Variants in PPP1R12A observed in about 807,000 individuals in gnomAD.
PPP1R12A encodes protein phosphatase 1 regulatory subunit 12A, also known as myosin binding subunit.
A neutral mutation model predicts 139.6 loss-of-function variants in PPP1R12A; 19 were observed. The observed-to-expected ratio is 0.14, with a 90% CI of 0.09 to 0.20. PPP1R12A has a LOEUF of 0.20. PPP1R12A is among the 10% of genes least tolerant of loss of function. The pLI, the probability that PPP1R12A is intolerant of heterozygous loss-of-function variation, is 1.00. For missense variants in PPP1R12A, 925 were observed against 1,211.5 expected (o/e 0.76, Z 3.51); for synonymous variants, 427 against 420.6 (o/e 1.02, Z -0.19).
At chr12:79,806,122 TAAGCACAC>T in intron 13 of PPP1R12A, 36 bp downstream of exon 13, 1 of 1,587,578 alleles carries the variant, frequency 6.3e-7, no homozygotes, top group Non-Finnish European at 8.6e-7. Context: ...TGCACATACA[TAAGCACAC>T]AGTAGACCTG....
intron 1 of PPP1R12A, among the ~76,000 whole-genome samples, chr12:79,888,664 A>G (rs1425107337): frequency 6.6e-6 from 1 of 152,198 alleles, no homozygotes; most frequent in Non-Finnish European, 1.5e-5. Context: ...ACCCTTACTT[A>G]CATAGCACTT....
At chr12:79,845,931 G>GTTAATTTTTAATAATAATTA (rs1339235777) in intron 2 of PPP1R12A, among the ~76,000 whole-genome samples, 594 of 16,048 alleles carry the variant, frequency 0.037, 1 homozygote, top group Non-Finnish European at 0.11. Context: ...AAGTCTCATA[G>GTTAATTTTTAATAATAATTA]GATCCACCTC....
intron 4 of PPP1R12A, among the ~76,000 whole-genome samples, chr12:79,830,254 T>C (rs1208786997): frequency 2.0e-5 from 3 of 152,176 alleles, no homozygotes; most frequent in African/African-American, 7.2e-5. Context: ...GCAAATACAA[T>C]TTTAATTTTT....
chr12:79,888,253 C>T (rs1325041811), intron 1 of PPP1R12A, among the ~76,000 whole-genome samples: 3 of 152,036 alleles, frequency 2.0e-5, no homozygotes, highest in African/African-American at 7.2e-5. Context: ...AAGTACTTAA[C>T]CAATATTTGG....
chr12:79,775,620 A>T lies in PPP1R12A; in HGVS notation c.*309T>A. ...ATATCTGAGGCATATCTGGCCTTGA[A>T]CACTTTCCTTATATGCTGGAGCTGT... On this transcript the variant is annotated 3_prime_UTR_variant, in exon 25 of 25. Coordinates refer to ENST00000450142, the MANE Select transcript of PPP1R12A (RefSeq NM_002480.3). The T allele has an allele frequency of 5.1e-6, 1 of 197,568 alleles. No homozygotes were observed. The allele number at this position is 197,568 out of a possible 1,614,324, so 12.2% of individuals were successfully genotyped here.
intron 1 of PPP1R12A, among the ~76,000 whole-genome samples, chr12:79,931,876 A>C (rs1160032153): frequency 6.6e-6 from 1 of 152,206 alleles, no homozygotes; most frequent in Non-Finnish European, 1.5e-5. Flanking sequence ...TTCTATACAG[A>C]GGACACATTT....
intron 1 of PPP1R12A, among the ~76,000 whole-genome samples, chr12:79,931,017 T>C (rs1453587276): frequency 2.0e-5 from 3 of 152,188 alleles, no homozygotes; most frequent in African/African-American, 7.2e-5. Flanking sequence ...TGAAGAAAGA[T>C]AGACCTGTTT....
At chr12:79,843,950 G>A (rs369762798) in intron 3 of PPP1R12A, among the ~76,000 whole-genome samples, 7 of 151,924 alleles carry the variant, frequency 4.6e-5, no homozygotes, top group East Asian at 1.9e-4. Flanking sequence ...TGATCTGCCC[G>A]CCTTGGCCTC....
At chr12:79,911,173 G>A (rs181258541) in intron 1 of PPP1R12A, among the ~76,000 whole-genome samples, 16 of 152,206 alleles carry the variant, frequency 1.1e-4, no homozygotes, top group Non-Finnish European at 2.2e-4. Flanking sequence ...TACACTTTCA[G>A]GCTTGCTACA....
chr12:79,806,152 T>C lies in PPP1R12A; in HGVS notation c.1823+14A>G. ...ACACAGTAGACCTGAGCACAAAATG[T>C]ATCTGTGACTTACCTGCTTTGTGTG... On this transcript the variant is annotated intron_variant, in intron 13 of 24. Coordinates refer to ENST00000450142, the MANE Select transcript of PPP1R12A (RefSeq NM_002480.3). 1.2e-6 allele frequency: 2 copies of C among 1,612,888 alleles called. No homozygotes were observed. Among genetic ancestry groups the C allele is most frequent in the Non-Finnish European group, 8.5e-7 (1 of 1,179,068 alleles).
chr12:79,874,272 T>C (rs1882881618), intron 1 of PPP1R12A, among the ~76,000 whole-genome samples: 1 of 144,696 alleles, frequency 6.9e-6, no homozygotes, highest in Non-Finnish European at 1.5e-5. Flanking sequence ...AGACTCCGTC[T>C]CCAAAAAAAA....
At chr12:79,843,072 T>C (rs1341060476) in intron 3 of PPP1R12A, among the ~76,000 whole-genome samples, 1 of 152,214 alleles carries the variant, frequency 6.6e-6, no homozygotes, top group African/African-American at 2.4e-5. Context: ...CACTGGCTTA[T>C]GTCACTTACC....
At chr12:79,924,822 CAAAT>C (rs1268836287) in intron 1 of PPP1R12A, among the ~76,000 whole-genome samples, 1 of 152,168 alleles carries the variant, frequency 6.6e-6, no homozygotes, top group Non-Finnish European at 1.5e-5. Context: ...ATCTAGAACA[CAAAT>C]GAACAGTACT....
At chr12:79,850,903 G>A (rs1454772266) in intron 2 of PPP1R12A, among the ~76,000 whole-genome samples, 2 of 152,104 alleles carry the variant, frequency 1.3e-5, no homozygotes, top group Non-Finnish European at 2.9e-5. Flanking sequence ...ATAATTCTAA[G>A]TTTCCTGAGG....
chr12:79,888,525 G>A (rs1454985608), intron 1 of PPP1R12A, among the ~76,000 whole-genome samples: 1 of 151,848 alleles, frequency 6.6e-6, no homozygotes, highest in Non-Finnish European at 1.5e-5. Flanking sequence ...GAGGCAGGAG[G>A]GAAAGAAATA....
At chr12:79,845,215 G>A in intron 3 of PPP1R12A, 87 bp downstream of exon 3, 1 of 933,160 alleles carries the variant, frequency 1.1e-6, no homozygotes. Context: ...AATTATGATT[G>A]CCCTTCAATG....
intron 8 of PPP1R12A, among the ~76,000 whole-genome samples, chr12:79,817,854 C>A (rs2542817): frequency 0.21 from 31,543 of 152,102 alleles, 5,896 homozygotes; most frequent in African/African-American, 0.49. Flanking sequence ...GTAACTAAAA[C>A]CTTAACAGTA....
intron 9 of PPP1R12A, among the ~76,000 whole-genome samples, chr12:79,815,946 G>A (rs542659324): frequency 6.6e-6 from 1 of 151,532 alleles, no homozygotes; most frequent in African/African-American, 2.4e-5. Context: ...CCTTCCTTGG[G>A]AAGTTTGAGA....
chr12:79,863,039 A>T (rs547676729), intron 2 of PPP1R12A, among the ~76,000 whole-genome samples: 1 of 152,306 alleles, frequency 6.6e-6, no homozygotes, highest in East Asian at 1.9e-4. Context: ...AGTTGAAATG[A>T]AGGAAAAAAT....
Sources: gnomAD v4.1 joint callset for allele counts (sites outside exome capture counted in the v4.1 genomes callset) on GRCh38, gnomAD v4.1.1 for gene constraint, MANE v1.5 for transcripts, NCBI Gene and HGNC (gene_info 2026-07-23, HGNC 2026-07-21) for gene names.